Variants in JAZF1 observed in about 807,000 individuals in gnomAD.
JAZF1 encodes the protein juxtaposed with another zinc finger protein 1.
A neutral mutation model predicts 26.4 loss-of-function variants in JAZF1; 8 were observed. The observed-to-expected ratio is 0.30, with a 90% CI of 0.18 to 0.55. The LOEUF (loss-of-function observed/expected upper bound fraction) is 0.55. JAZF1 is among the 20% of genes least tolerant of loss of function. The pLI, the probability that JAZF1 is intolerant of heterozygous loss-of-function variation, is 0.94. For missense variants in JAZF1, 199 were observed against 322.0 expected, an observed-to-expected ratio of 0.62 and a Z score of 2.92; for synonymous variants, 126 against 122.3, an observed-to-expected ratio of 1.03 and a Z score of -0.20.
chr7:28,120,498 G>GTTT (rs1345204155), intron 1 of JAZF1, among the ~76,000 whole-genome samples: 10 of 41,090 alleles, frequency 2.4e-4, no homozygotes, highest in South Asian at 1.8e-3. Context: ...GCCACACACA[G>GTTT]TTCTTTTTTT....
chr7:27,935,439 C>T (rs1784751430), intron 2 of JAZF1, among the ~76,000 whole-genome samples: 1 of 152,158 alleles, frequency 6.6e-6, no homozygotes, highest in African/African-American at 2.4e-5. Context: ...TAAATGAAAG[C>T]AGCCAGACAC....
intron 1 of JAZF1, among the ~76,000 whole-genome samples, chr7:28,039,544 A>G (rs1305529115): frequency 2.0e-5 from 3 of 152,214 alleles, no homozygotes; most frequent in Non-Finnish European, 4.4e-5. Context: ...TGAAGCTAAG[A>G]TAGTCCCTGG....
intron 2 of JAZF1, among the ~76,000 whole-genome samples, chr7:27,978,915 G>GGA (rs1248624119): frequency 6.6e-6 from 1 of 151,518 alleles, no homozygotes; most frequent in African/African-American, 2.4e-5. Context: ...GAAAGGCAGG[G>GGA]GAGAGGGGGA....
intron 3 of JAZF1, among the ~76,000 whole-genome samples, chr7:27,846,802 T>A (rs943231419): frequency 7.7e-6 from 1 of 130,302 alleles, no homozygotes; most frequent in African/African-American, 2.5e-5. Context: ...AATCAAGTTA[T>A]TTGTTTTTCT....
At chr7:28,102,882 G>A (rs923405675) in intron 1 of JAZF1, among the ~76,000 whole-genome samples, 4 of 152,072 alleles carry the variant, frequency 2.6e-5, no homozygotes, top group Non-Finnish European at 5.9e-5. Context: ...AAAAGAACAC[G>A]ATGACATAAA....
intron 2 of JAZF1, among the ~76,000 whole-genome samples, chr7:27,951,393 A>AT (rs545354265): frequency 4.6e-5 from 7 of 152,222 alleles, no homozygotes; most frequent in African/African-American, 9.6e-5. Context: ...TAATAATGCA[A>AT]TTTTTTTGCC....
intron 1 of JAZF1, among the ~76,000 whole-genome samples, chr7:28,024,678 T>G (rs570989549): frequency 8.5e-5 from 13 of 152,334 alleles, no homozygotes; most frequent in African/African-American, 3.1e-4. Context: ...TAGAGAATGC[T>G]TTGGAAGATA....
At chr7:27,901,982 C>T (rs1784168859) in intron 2 of JAZF1, among the ~76,000 whole-genome samples, 2 of 152,080 alleles carry the variant, frequency 1.3e-5, no homozygotes, top group South Asian at 4.1e-4. Context: ...TATAAATAGG[C>T]CTGCAACCTG....
At chr7:27,889,715 A>C (rs72598542) in intron 3 of JAZF1, among the ~76,000 whole-genome samples, 1 of 151,764 alleles carries the variant, frequency 6.6e-6, no homozygotes, top group African/African-American at 2.4e-5. Flanking sequence ...GAGGATCACT[A>C]GAGGTCAGGA....
intron 1 of JAZF1, among the ~76,000 whole-genome samples, chr7:28,163,581 G>C (rs1783323714): frequency 6.6e-6 from 1 of 152,220 alleles, no homozygotes; most frequent in African/African-American, 2.4e-5. Flanking sequence ...AAGGAACCTT[G>C]TAATAAAAAG....
At chr7:27,999,194 A>C (rs905687448) in intron 1 of JAZF1, among the ~76,000 whole-genome samples, 4 of 152,154 alleles carry the variant, frequency 2.6e-5, no homozygotes, top group African/African-American at 9.7e-5. Context: ...AACAACAATA[A>C]AATTCTTTCA....
chr7:28,105,006 T>C (rs1482629228), intron 1 of JAZF1, among the ~76,000 whole-genome samples: 1 of 152,088 alleles, frequency 6.6e-6, no homozygotes, highest in Non-Finnish European at 1.5e-5. Flanking sequence ...CAATAGACAA[T>C]AGCTTGGGTT....
At chr7:27,888,005 A>C (rs1783898947) in intron 3 of JAZF1, among the ~76,000 whole-genome samples, 1 of 152,212 alleles carries the variant, frequency 6.6e-6, no homozygotes, top group Non-Finnish European at 1.5e-5. Context: ...GTATATAAAC[A>C]AGCAAATAAA....
intron 2 of JAZF1, among the ~76,000 whole-genome samples, chr7:27,979,355 A>T (rs1785534749): frequency 7.1e-6 from 1 of 141,306 alleles, no homozygotes; most frequent in Non-Finnish European, 1.5e-5. Flanking sequence ...AGGCGTGGCC[A>T]GGTACACTAC....
intron 3 of JAZF1, among the ~76,000 whole-genome samples, chr7:27,863,554 T>C (rs191295247): frequency 1.3e-5 from 2 of 152,344 alleles, no homozygotes; most frequent in Admixed American, 1.3e-4. Flanking sequence ...CAGCTAACTT[T>C]CTAAATGATG....
chr7:27,855,722 T>C (rs752326673), intron 3 of JAZF1, among the ~76,000 whole-genome samples: 23 of 152,154 alleles, frequency 1.5e-4, no homozygotes, highest in Non-Finnish European at 2.4e-4. Context: ...GAGTAATTAA[T>C]AGCCTACCAA....
chr7:27,864,731 C>T (rs1783445882), intron 3 of JAZF1, among the ~76,000 whole-genome samples: 2 of 152,192 alleles, frequency 1.3e-5, no homozygotes, highest in South Asian at 2.1e-4. Context: ...AAAAACTGAG[C>T]AACGAAAAAT....
At chr7:28,120,203 G>T (rs1241220682) in intron 1 of JAZF1, among the ~76,000 whole-genome samples, 1 of 151,496 alleles carries the variant, frequency 6.6e-6, no homozygotes, top group East Asian at 1.9e-4. Flanking sequence ...AGCTTTTCAG[G>T]GGTTTAATGA....
rs149181170 is a variant in JAZF1, at chr7:28,056,398, C to T, written c.116-64417G>A. The stretch of plus-strand genomic sequence containing the variant: ...AACTACAAGACTCAAAGGGCAACAT[C>T]ACGTGGCAGCTTCATTCCTTGAACT... On this transcript the variant is annotated intron_variant, in intron 1 of 4. Coordinates refer to ENST00000283928, the MANE Select transcript of JAZF1 (RefSeq NM_175061.4). 2.0e-5 allele frequency among the ~76,000 whole-genome samples: 3 copies of T among 151,326 alleles called. No homozygotes were observed. In the East Asian group the frequency reaches 5.9e-4, roughly 30 times the overall value.
Sources: allele counts gnomAD v4.1 joint callset (sites outside exome capture counted in the v4.1 genomes callset), GRCh38; gene constraint gnomAD v4.1.1; transcripts MANE v1.5; gene names NCBI Gene and HGNC (gene_info 2026-07-23, HGNC 2026-07-21).